Variants in ADAMTSL1 observed in about 807,000 individuals in gnomAD.
ADAMTSL1 encodes the protein ADAMTS-like protein 1.
ADAMTSL1 carries 126 observed loss-of-function variants against 201.8 expected under a neutral mutation model. The observed-to-expected ratio is 0.62, with a 90% CI of 0.54 to 0.72. ADAMTSL1 has a LOEUF of 0.72. Among genes scored for constraint, ADAMTSL1 ranks in the 30% least tolerant of loss-of-function variants. The probability of loss-of-function intolerance (pLI) is 0.00; values close to 1 mark genes in which losing one functional copy is unlikely to be tolerated. For missense variants in ADAMTSL1, 2,679 were observed against 2,277.8 expected, an observed-to-expected ratio of 1.18 and a Z score of -3.59; for synonymous variants, 1,121 against 903.4, an observed-to-expected ratio of 1.24 and a Z score of -4.32.
chr9:18,156,676 A>G (rs780364858), intron 1 of ADAMTSL1, among the ~76,000 whole-genome samples: 2 of 151,688 alleles, frequency 1.3e-5, no homozygotes, highest in African/African-American at 2.4e-5. Flanking sequence ...TTTGAAGACC[A>G]AGTCTATTTT....
intron 2 of ADAMTSL1, among the ~76,000 whole-genome samples, chr9:18,322,176 T>C (rs1325101911): frequency 6.6e-6 from 1 of 151,970 alleles, no homozygotes; most frequent in Non-Finnish European, 1.5e-5. Flanking sequence ...TTAAAATCTA[T>C]CAGCTGAGTT....
chr9:18,719,074 AAC>A (rs1342699171), intron 14 of ADAMTSL1, among the ~76,000 whole-genome samples: 3 of 152,184 alleles, frequency 2.0e-5, no homozygotes, highest in Non-Finnish European at 2.9e-5. Flanking sequence ...TGATTATATC[AAC>A]TGTTTCTTAT....
chr9:18,553,658 A>G (rs943777674), intron 3 of ADAMTSL1, among the ~76,000 whole-genome samples: 3 of 151,950 alleles, frequency 2.0e-5, no homozygotes, highest in East Asian at 1.9e-4. Context: ...AAATATTTGT[A>G]TTTGGTGCTC....
chr9:18,646,727 C>T (rs1827836430), intron 7 of ADAMTSL1, among the ~76,000 whole-genome samples: 4 of 152,194 alleles, frequency 2.6e-5, no homozygotes, highest in Middle Eastern at 3.4e-3. Context: ...GCCTTGCATC[C>T]CAAGGATGAA....
chr9:18,419,088 A>G (rs1267482048), intron 2 of ADAMTSL1, among the ~76,000 whole-genome samples: 1 of 152,252 alleles, frequency 6.6e-6, no homozygotes, highest in African/African-American at 2.4e-5. Context: ...CAATTGAGAA[A>G]GAATTGTCTT....
At chr9:18,050,803 G>C (rs1486571914) in intron 1 of ADAMTSL1, among the ~76,000 whole-genome samples, 1 of 152,110 alleles carries the variant, frequency 6.6e-6, no homozygotes, top group Non-Finnish European at 1.5e-5. Flanking sequence ...GCCTTCCCAT[G>C]GCAGAATGAT....
chr9:18,413,108 A>T (rs967501172), intron 2 of ADAMTSL1, among the ~76,000 whole-genome samples: 1 of 150,914 alleles, frequency 6.6e-6, no homozygotes, highest in African/African-American at 2.4e-5. Context: ...CTGTTTCTTC[A>T]ACTGCTTGTT....
intron 6 of ADAMTSL1, 129 bp downstream of exon 6, chr9:18,636,146 G>A: frequency 1.3e-6 from 1 of 770,006 alleles, no homozygotes. Context: ...GATATTTTGA[G>A]TACCTCTGTT....
chr9:18,688,704 A>ATATATATATATATATCTATATC lies in ADAMTSL1; in HGVS notation c.1574+3909_1574+3910insATATATATATCTATATCTATAT, dbSNP rs138160150. On this transcript the variant is annotated intron_variant, in intron 13 of 28. Transcript: ENST00000380548. ...AAAAAAAAAAAATATATATATATAT[A>ATATATATATATATATCTATATC]TATATGACTGTGACTAAGAATGCCT... 4.1e-5 allele frequency among the ~76,000 whole-genome samples: 3 copies of ATATATATATATATATCTATATC among 72,488 alleles called. 1 individual carries two copies. Among genetic ancestry groups the ATATATATATATATATCTATATC allele is most frequent in the African/African-American group, 1.7e-4 (3 of 17,826 alleles). 47.6% of individuals were successfully genotyped at this position (72,488 alleles called of 152,430 possible).
intron 13 of ADAMTSL1, among the ~76,000 whole-genome samples, chr9:18,689,902 G>A (rs1396686121): frequency 2.0e-5 from 3 of 152,212 alleles, no homozygotes; most frequent in Non-Finnish European, 2.9e-5. Context: ...TCAGTCAACG[G>A]CTTTGCATGG....
intron 2 of ADAMTSL1, among the ~76,000 whole-genome samples, chr9:18,210,834 G>A (rs984667736): frequency 6.6e-6 from 1 of 151,742 alleles, no homozygotes; most frequent in African/African-American, 2.4e-5. Flanking sequence ...GTAATTGAGT[G>A]CCTGGCCAGG....
chr9:18,131,833 C>A (rs780622942), intron 1 of ADAMTSL1, among the ~76,000 whole-genome samples: 3 of 152,010 alleles, frequency 2.0e-5, no homozygotes, highest in Non-Finnish European at 2.9e-5. Context: ...GTGTGGGCCA[C>A]CTTGCTTCCC....
At chr9:18,776,744 C>T in intron 18 of ADAMTSL1, 37 bp from the exon 19 acceptor site, 2 of 1,509,368 alleles carry the variant, frequency 1.3e-6, no homozygotes, top group Non-Finnish European at 1.8e-6. Flanking sequence ...CTCTCCCCAC[C>T]TCTTTCTCTG....
intron 3 of ADAMTSL1, among the ~76,000 whole-genome samples, chr9:18,572,592 A>G (rs1313439810): frequency 6.6e-6 from 1 of 151,834 alleles, no homozygotes; most frequent in African/African-American, 2.4e-5. Flanking sequence ...TATTTTGAAC[A>G]ATTTCATGTT....
intron 3 of ADAMTSL1, among the ~76,000 whole-genome samples, chr9:18,570,968 G>A (rs556402840): frequency 6.6e-6 from 1 of 152,276 alleles, no homozygotes; most frequent in Non-Finnish European, 1.5e-5. Context: ...TGCATGTTGA[G>A]TCTCTAAGAT....
At position 18,029,004 on chromosome 9, in the gene ADAMTSL1, T is replaced by C. The variant is rs368225119; in HGVS notation, c.87+122082T>C. ...CCCTTGTAAGATGGATTCCTAGGTA[T>C]TTTATTCTCTTTGAAGCAATTGTGA... is the stretch of plus-strand genomic sequence containing the variant. On this transcript the variant is annotated intron_variant, in intron 1 of 29. Transcript: ENST00000680146. Among the ~76,000 whole-genome samples the C allele has an allele frequency of 1.5e-3, 226 of 152,266 alleles. 6 individuals are homozygous for C. In the South Asian group the frequency reaches 0.046, roughly 31 times the overall value.
intron 1 of ADAMTSL1, among the ~76,000 whole-genome samples, chr9:18,047,967 T>G (rs1244733630): frequency 3.3e-5 from 5 of 151,954 alleles, no homozygotes; most frequent in Admixed American, 2.0e-4. Context: ...TAAGAGGAGA[T>G]GAGATCAGCA....
chr9:18,054,275 A>G (rs1300545827), intron 1 of ADAMTSL1, among the ~76,000 whole-genome samples: 1 of 152,256 alleles, frequency 6.6e-6, no homozygotes, highest in Non-Finnish European at 1.5e-5. Flanking sequence ...CCTACCTCTG[A>G]GAAAACGTCT....
At chr9:18,029,733 T>C (rs1052746482) in intron 1 of ADAMTSL1, among the ~76,000 whole-genome samples, 8 of 152,058 alleles carry the variant, frequency 5.3e-5, no homozygotes, top group African/African-American at 1.4e-4. Flanking sequence ...AAAAAGTGGG[T>C]GAAGGATATG....
Sources: allele counts gnomAD v4.1 joint callset (sites outside exome capture counted in the v4.1 genomes callset), GRCh38; gene constraint gnomAD v4.1.1; transcripts MANE v1.5; gene names NCBI Gene and HGNC (gene_info 2026-07-23, HGNC 2026-07-21).